The following TLK2 variants were observed in gnomAD, a reference collection of about 807,000 sequenced individuals.
TLK2 encodes the protein tousled like kinase 2, also known as serine/threonine-protein kinase tousled-like 2.
A neutral mutation model predicts 117.3 loss-of-function variants in TLK2; 6 were observed. That is an observed-to-expected ratio of 0.05 (90% CI 0.03 to 0.10). The LOEUF is 0.10. Among genes scored for constraint, TLK2 ranks in the 10% least tolerant of loss-of-function variants. TLK2 has a pLI of 1.00. For synonymous variants in TLK2, 257 were observed against 316.7 expected, an observed-to-expected ratio of 0.81 and a Z score of 2.00; for missense variants, 299 against 901.2, an observed-to-expected ratio of 0.33 and a Z score of 8.56.
intron 7 of TLK2, among the ~76,000 whole-genome samples, chr17:62,539,163 C>T (rs887279622): frequency 6.6e-6 from 1 of 152,096 alleles, no homozygotes; most frequent in Non-Finnish European, 1.5e-5. Context: ...TTTACATATC[C>T]TTGGGTCCAG....
chr17:62,544,012 A>G (rs1488824413), intron 7 of TLK2, among the ~76,000 whole-genome samples: 2 of 152,144 alleles, frequency 1.3e-5, no homozygotes, highest in Non-Finnish European at 2.9e-5. Context: ...TGTGTGTGGT[A>G]TGAGGAAGGA....
intron 10 of TLK2, among the ~76,000 whole-genome samples, chr17:62,562,550 G>A (rs2079377011): frequency 6.6e-6 from 1 of 152,094 alleles, no homozygotes; most frequent in Admixed American, 6.5e-5. Context: ...TGGCAAGCAT[G>A]AAAAGATGTT....
intron 16 of TLK2, among the ~76,000 whole-genome samples, chr17:62,594,684 C>T (rs998308144): frequency 1.3e-4 from 19 of 151,796 alleles, no homozygotes; most frequent in Non-Finnish European, 1.9e-4. Flanking sequence ...AACATTTACC[C>T]ACTCATTCCC....
At chr17:62,537,040 A>G (rs1337671069) in intron 7 of TLK2, among the ~76,000 whole-genome samples, 2 of 152,194 alleles carry the variant, frequency 1.3e-5, no homozygotes, top group Admixed American at 6.5e-5. Context: ...GTGCCAGAGT[A>G]ACAGAAAGCC....
chr17:62,609,012 G>C (rs2083524329), intron 21 of TLK2, among the ~76,000 whole-genome samples: 1 of 152,220 alleles, frequency 6.6e-6, no homozygotes, highest in East Asian at 1.9e-4. Context: ...ACTTAGGTGA[G>C]TGGTAGCCAG....
intron 7 of TLK2, among the ~76,000 whole-genome samples, chr17:62,537,120 G>A (rs976143504): frequency 4.6e-5 from 7 of 152,056 alleles, no homozygotes; most frequent in African/African-American, 1.7e-4. Context: ...TCCAGATTTT[G>A]TCCCTCTTAC....
intron 2 of TLK2, 24 bp from the exon 3 acceptor site, chr17:62,520,749 A>T (rs1186746299): frequency 1.9e-6 from 3 of 1,595,066 alleles, no homozygotes; most frequent in Non-Finnish European, 2.6e-6. Flanking sequence ...AAATTTATTT[A>T]TTTATGATTT....
intron 13 of TLK2, among the ~76,000 whole-genome samples, chr17:62,577,423 T>A (rs1238938677): frequency 6.6e-6 from 1 of 152,186 alleles, no homozygotes; most frequent in East Asian, 1.9e-4. Flanking sequence ...GTTTTGAAAT[T>A]GATGTGAAGA....
chr17:62,529,477 G>A (rs939916997), intron 6 of TLK2, among the ~76,000 whole-genome samples: 1 of 152,122 alleles, frequency 6.6e-6, no homozygotes, highest in African/African-American at 2.4e-5. Flanking sequence ...CAAGTGATCT[G>A]CCTGCCTTGG....
In TLK2 at chr17:62,534,881, CTTTTTTTTTTTT is replaced by C. The variant is rs386386398; in HGVS notation, c.364-1276_364-1265del. ...TGCATTAAAAGTGGATAATTCCAGT[CTTTTTTTTTTTT>C]TTTTTTTTTTTTGGAGATAGAGTCG... On this transcript the variant is annotated intron_variant, in intron 6 of 21. Coordinates refer to ENST00000346027, the MANE Select transcript of TLK2 (RefSeq NM_006852.6). Among the ~76,000 whole-genome samples, 11 of 73,008 alleles carry C rather than the reference CTTTTTTTTTTTT, an allele frequency of 1.5e-4. No homozygotes were observed. In the South Asian group the frequency reaches 1.8e-3, roughly 12 times the overall value. 47.9% of individuals were successfully genotyped at this position (73,008 alleles called of 152,430 possible). A position where few individuals can be genotyped will look rare whatever the true frequency, so the allele number is the denominator to read the frequency against.
In TLK2 at chr17:62,517,800, C is replaced by T. The variant is rs553619127; in HGVS notation, c.82-2973C>T. ...GCAACCTTCACCTCCCAGGTTCAAG[C>T]GACTGTCCTGCCTCAGTCTCCCGAC... On this transcript the variant is annotated intron_variant, in intron 2 of 21. Transcript: ENST00000346027. Among the ~76,000 whole-genome samples the T allele has an allele frequency of 7.2e-5, 11 of 152,290 alleles. No homozygotes were observed. The South Asian group carries it at 2.1e-3, about 29-fold the overall frequency.
intron 2 of TLK2, among the ~76,000 whole-genome samples, chr17:62,506,147 A>G (rs2074669401): frequency 2.0e-5 from 3 of 152,208 alleles, no homozygotes; most frequent in Non-Finnish European, 4.4e-5. Flanking sequence ...TACTGCCATC[A>G]TGTGATTATA....
At chr17:62,591,188 G>A (rs2082054124) in intron 16 of TLK2, among the ~76,000 whole-genome samples, 1 of 152,128 alleles carries the variant, frequency 6.6e-6, no homozygotes, top group East Asian at 1.9e-4. Flanking sequence ...GGCGGAAGTT[G>A]CAGTGAGCCA....
intron 19 of TLK2, among the ~76,000 whole-genome samples, chr17:62,605,906 C>T (rs543799378): frequency 6.9e-6 from 1 of 145,850 alleles, no homozygotes; most frequent in Non-Finnish European, 1.5e-5. Flanking sequence ...ACTTGGGAGG[C>T]TGAGGTGGGG....
At chr17:62,583,130 C>T (rs960534042) in intron 15 of TLK2, among the ~76,000 whole-genome samples, 5 of 152,216 alleles carry the variant, frequency 3.3e-5, no homozygotes, top group Middle Eastern at 3.4e-3. Context: ...CTTGCTCTGT[C>T]GCCCAGGCTG....
chr17:62,541,842 A>C (rs1340361028), intron 7 of TLK2, among the ~76,000 whole-genome samples: 3 of 151,148 alleles, frequency 2.0e-5, no homozygotes, highest in Non-Finnish European at 4.4e-5. Context: ...ACTCAGTCTC[A>C]AAGAAAAAAA....
At chr17:62,485,286 A>T (rs1430503473) in intron 2 of TLK2, among the ~76,000 whole-genome samples, 1 of 152,168 alleles carries the variant, frequency 6.6e-6, no homozygotes, top group Non-Finnish European at 1.5e-5. Flanking sequence ...ATTCTTTCCT[A>T]GTGGACAAGA....
At chr17:62,488,136 T>C (rs1400067994) in intron 2 of TLK2, among the ~76,000 whole-genome samples, 2 of 151,302 alleles carry the variant, frequency 1.3e-5, no homozygotes, top group Non-Finnish European at 2.9e-5. Context: ...GGTTTTACCA[T>C]GTTGGCCAGG....
chr17:62,480,556 A>T (rs2071515795), intron 1 of TLK2, among the ~76,000 whole-genome samples: 1 of 152,212 alleles, frequency 6.6e-6, no homozygotes, highest in South Asian at 2.1e-4. Flanking sequence ...TGGGCTCTCT[A>T]TTAAATTTAA....
Sources: allele counts gnomAD v4.1 joint callset (sites outside exome capture counted in the v4.1 genomes callset), GRCh38; gene constraint gnomAD v4.1.1; transcripts MANE v1.5; gene names NCBI Gene and HGNC (gene_info 2026-07-23, HGNC 2026-07-21).